The following DPYD variants were observed in gnomAD, a reference collection of about 807,000 sequenced individuals.
DPYD encodes the protein dihydropyrimidine dehydrogenase.
Under a neutral mutation model 116.2 loss-of-function variants are expected in DPYD, and 109 were observed. The observed-to-expected ratio is 0.94, with a 90% CI of 0.80 to 1.10. DPYD has a LOEUF of 1.10. DPYD is among the 50% of genes least tolerant of loss of function. The pLI, the probability that DPYD is intolerant of heterozygous loss-of-function variation, is 0.00. For synonymous variants in DPYD, 440 were observed against 432.0 expected (o/e 1.02, Z -0.23); for missense variants, 1,302 against 1,254.5 (o/e 1.04, Z -0.57).
At chr1:97,210,287 A>G (rs1659954517) in intron 19 of DPYD, among the ~76,000 whole-genome samples, 1 of 152,074 alleles carries the variant, frequency 6.6e-6, no homozygotes, top group South Asian at 2.1e-4. Flanking sequence ...TAGACCATTT[A>G]CTTATTTTAT....
At chr1:97,718,140 G>T (rs568682645) in intron 5 of DPYD, among the ~76,000 whole-genome samples, 88 of 151,944 alleles carry the variant, frequency 5.8e-4, no homozygotes, top group Admixed American at 2.1e-3. Context: ...ATTATTTTTT[G>T]ATTTTTAAAT....
Position 97,306,265 on chromosome 1 carries a change from C to T in DPYD, c.2091G>A (p.Trp697Ter), listed in dbSNP as rs753296078. ...DPELVRNICR[W>*]VRQAVQIPFF... ...AAGGAATCTGAACAGCTTGCCTAAC[C>T]CAGCGGCAGATGTTCCGCACCAGCT... Residue 697 changes from tryptophan (W) to a stop codon, truncating the protein, a stop_gained, in exon 17 of 23, where the codon TGG becomes TGA. Coordinates refer to ENST00000370192, the MANE Select transcript of DPYD (RefSeq NM_000110.4). LOFTEE classifies it high-confidence loss of function. 26 of 1,612,298 alleles carry T rather than the reference C, an allele frequency of 1.6e-5. No homozygotes were observed. Among genetic ancestry groups the T allele is most frequent in the Non-Finnish European group, 2.1e-5 (25 of 1,178,868 alleles).
At chr1:97,546,756 T>C (rs1650898712) in intron 12 of DPYD, 1 of 1,613,026 alleles carries the variant, frequency 6.2e-7, no homozygotes, top group African/African-American at 1.3e-5. Flanking sequence ...CTGGAAATTA[T>C]CAGTATACTG....
rs541554903 is a variant in DPYD at position 97,361,797 on chromosome 1, C to T, written c.2058+11764G>A. 5.8e-4 allele frequency among the ~76,000 whole-genome samples: 89 copies of T among 152,264 alleles called. No homozygotes were observed. In the Middle Eastern group the frequency reaches 0.01, roughly 17 times the overall value. On this transcript the variant is annotated intron_variant, in intron 16 of 22. Coordinates refer to ENST00000370192, the MANE Select transcript of DPYD (RefSeq NM_000110.4). ...CTCAATAAATTAGGTATTGATGGAA[C>T]ATATCTCAAAATAATAAGAGCTATT...
intron 3 of DPYD, among the ~76,000 whole-genome samples, chr1:97,760,409 TA>T (rs1331505299): frequency 6.6e-6 from 1 of 152,014 alleles, no homozygotes; most frequent in Non-Finnish European, 1.5e-5. Context: ...TATTCAAAAA[TA>T]AATTTCAAAA....
At chr1:97,909,250 G>A (rs1042749184) in intron 1 of DPYD, among the ~76,000 whole-genome samples, 12 of 151,736 alleles carry the variant, frequency 7.9e-5, no homozygotes, top group East Asian at 7.8e-4. Flanking sequence ...TTTTTGTTCC[G>A]CCACCCAATG....
At chr1:97,516,705 C>T (rs940284200) in intron 12 of DPYD, among the ~76,000 whole-genome samples, 1 of 152,112 alleles carries the variant, frequency 6.6e-6, no homozygotes, top group South Asian at 2.1e-4. Flanking sequence ...TTACTCTTAG[C>T]ACATGGCACA....
chr1:97,117,202 T>A (rs1319321505), intron 20 of DPYD, among the ~76,000 whole-genome samples: 1 of 152,022 alleles, frequency 6.6e-6, no homozygotes, highest in Non-Finnish European at 1.5e-5. Flanking sequence ...TAAAAGCATA[T>A]GACAGGTTGA....
intron 20 of DPYD, among the ~76,000 whole-genome samples, chr1:97,123,070 G>A (rs186436816): frequency 3.5e-4 from 54 of 152,134 alleles, no homozygotes; most frequent in Non-Finnish European, 5.4e-4. Context: ...CATGTGGCCA[G>A]GGAATAGTAA....
intron 16 of DPYD, among the ~76,000 whole-genome samples, chr1:97,328,172 T>C (rs533554432): frequency 3.7e-4 from 56 of 152,272 alleles, no homozygotes; most frequent in African/African-American, 1.3e-3. Context: ...TCCTCTCAGA[T>C]AGCACATGCA....
At chr1:97,140,678 C>G (rs758747815) in intron 20 of DPYD, among the ~76,000 whole-genome samples, 1 of 152,050 alleles carries the variant, frequency 6.6e-6, no homozygotes, top group Non-Finnish European at 1.5e-5. Context: ...CCTAAGCATC[C>G]GGCCTTTTCT....
In DPYD at chr1:97,228,492, G is replaced by T. The variant is rs555806061; in HGVS notation, c.2442+6360C>A. Among the ~76,000 whole-genome samples the T allele has an allele frequency of 9.1e-3, 1,379 of 152,184 alleles. 17 individuals carry two copies. Among genetic ancestry groups the T allele is most frequent in the African/African-American group, 0.032 (1,328 of 41,534 alleles). The stretch of plus-strand genomic sequence containing the variant: ...AGATTTTGAAATTACTAATTTGAGT[G>T]TAAATCTTAATTTTAGTAGGGCACT... On this transcript the variant is annotated intron_variant, in intron 19 of 22. Coordinates refer to ENST00000370192, the MANE Select transcript of DPYD (RefSeq NM_000110.4).
intron 14 of DPYD, among the ~76,000 whole-genome samples, chr1:97,406,088 T>C (rs1217811877): frequency 6.6e-6 from 1 of 151,936 alleles, no homozygotes; most frequent in African/African-American, 2.4e-5. Flanking sequence ...AATTCATCAA[T>C]TATAGTTCAG....
chr1:97,431,070 T>C (rs1259477252), intron 14 of DPYD, among the ~76,000 whole-genome samples: 1 of 152,100 alleles, frequency 6.6e-6, no homozygotes, highest in Non-Finnish European at 1.5e-5. Context: ...AAGAAATATT[T>C]ATTGCGCTCC....
chr1:97,110,999 C>T (rs1651554304), intron 20 of DPYD, among the ~76,000 whole-genome samples: 1 of 138,790 alleles, frequency 7.2e-6, no homozygotes. Context: ...GAGACCCCAT[C>T]TCTATTTAAA....
At chr1:97,318,985 G>A (rs1039608048) in intron 16 of DPYD, among the ~76,000 whole-genome samples, 1 of 100,812 alleles carries the variant, frequency 9.9e-6, no homozygotes, top group African/African-American at 4.0e-5. Context: ...ATGACTACTG[G>A]GTACATAACG....
At chr1:97,372,414 C>T (rs1671354538) in intron 16 of DPYD, among the ~76,000 whole-genome samples, 1 of 151,990 alleles carries the variant, frequency 6.6e-6, no homozygotes. Context: ...GATTCAATGT[C>T]ATGTTTTCCC....
At chr1:97,677,428 A>T (rs1660204703) in intron 8 of DPYD, among the ~76,000 whole-genome samples, 1 of 152,176 alleles carries the variant, frequency 6.6e-6, no homozygotes, top group South Asian at 2.1e-4. Context: ...TTCACTTATT[A>T]CTGACCAAGC....
At chr1:97,217,179 G>T (rs184314432) in intron 19 of DPYD, among the ~76,000 whole-genome samples, 126 of 152,298 alleles carry the variant, frequency 8.3e-4, no homozygotes, top group East Asian at 5.4e-3. Context: ...CTGCACTCCA[G>T]CCTCGGCGAC....
Sources: allele counts gnomAD v4.1 joint callset (sites outside exome capture counted in the v4.1 genomes callset), GRCh38; gene constraint gnomAD v4.1.1; transcripts MANE v1.5; gene names NCBI Gene and HGNC (gene_info 2026-07-23, HGNC 2026-07-21).